IMMP2L: variants seen among roughly 807,000 people sequenced by gnomAD.
IMMP2L encodes mitochondrial inner membrane protease subunit 2.
In IMMP2L, 18 loss-of-function variants were observed where a neutral mutation model predicts 19.3. The observed-to-expected ratio is 0.93, with a 90% CI of 0.64 to 1.38. IMMP2L has a LOEUF of 1.38. Ranked by LOEUF, IMMP2L falls within the 40% of genes most tolerant of loss-of-function variation. The pLI is 0.00. For missense variants in IMMP2L, 233 were observed against 218.2 expected, an observed-to-expected ratio of 1.07 and a Z score of -0.43; for synonymous variants, 76 against 73.0, an observed-to-expected ratio of 1.04 and a Z score of -0.21.
chr7:111,406,858 G>C (rs1251840466), intron 3 of IMMP2L, among the ~76,000 whole-genome samples: 2 of 152,026 alleles, frequency 1.3e-5, no homozygotes, highest in Non-Finnish European at 2.9e-5. Flanking sequence ...GAAAGGGAGT[G>C]AAGGAAGCAG....
At chr7:111,270,256 GCA>G (rs1818313361) in intron 3 of IMMP2L, among the ~76,000 whole-genome samples, 1 of 152,006 alleles carries the variant, frequency 6.6e-6, no homozygotes, top group South Asian at 2.1e-4. Flanking sequence ...ATGTACTGTA[GCA>G]CAGATTCCAT....
rs903710443 is a variant in IMMP2L at position 111,297,704 on chromosome 7, C to T, written c.239+189534G>A. ...ATGGATAAACAAGTTGTGGTATATT[C>T]CCACAAAGAAAAATTGCACAGAAAT... On this transcript the variant is annotated intron_variant, in intron 3 of 5. Transcript: ENST00000405709. Among the ~76,000 whole-genome samples the T allele has an allele frequency of 1.2e-4, 18 of 151,990 alleles. 1 individual carries two copies. The highest frequency in any genetic ancestry group is 1.8e-4 in the Non-Finnish European group (12 of 67,982).
intron 4 of IMMP2L, chr7:110,963,014 C>G: frequency 1.3e-6 from 2 of 1,507,952 alleles, no homozygotes; most frequent in Non-Finnish European, 1.8e-6. Flanking sequence ...TTGTTACAAT[C>G]TTATCATCTA....
chr7:111,278,934 G>T (rs1025963734), intron 3 of IMMP2L, among the ~76,000 whole-genome samples: 1 of 151,822 alleles, frequency 6.6e-6, no homozygotes, highest in East Asian at 1.9e-4. Flanking sequence ...TAAGTCATCA[G>T]TTCTATGAGA....
At chr7:111,192,987 C>A (rs181675274) in intron 3 of IMMP2L, among the ~76,000 whole-genome samples, 1 of 152,056 alleles carries the variant, frequency 6.6e-6, no homozygotes, top group African/African-American at 2.4e-5. Flanking sequence ...CCTTGGCAAC[C>A]TGAGACAGCT....
chr7:111,330,144 AATTG>A (rs2130646150), intron 3 of IMMP2L, among the ~76,000 whole-genome samples: 1 of 151,914 alleles, frequency 6.6e-6, no homozygotes, highest in African/African-American at 2.4e-5. Context: ...ATAAAACACC[AATTG>A]ATTGAACACA....
chr7:110,928,379 A>C (rs1287434846), intron 4 of IMMP2L, among the ~76,000 whole-genome samples: 1 of 149,666 alleles, frequency 6.7e-6, no homozygotes, highest in Admixed American at 6.7e-5. Flanking sequence ...ACACACACAC[A>C]CACACACACA....
chr7:111,123,854 A>G lies in IMMP2L; in HGVS notation c.240-160289T>C. On this transcript the variant is annotated intron_variant, in intron 3 of 5. Coordinates refer to ENST00000405709, the MANE Select transcript of IMMP2L (RefSeq NM_032549.4). This position sits in a 1 kb window ranked among gnomAD's most constrained non-coding sequence, Gnocchi z 6.4. ...ACCATTGAGTCTCTGCCAAACCTCA[A>G]GGAAATCAGCATACACAGTAACCCC... is the stretch of plus-strand genomic sequence containing the variant. 1 of 1,614,000 alleles carries G rather than the reference A, an allele frequency of 6.2e-7. No individual in the cohort carries two copies. The highest frequency in any genetic ancestry group is 8.5e-7 in the Non-Finnish European group (1 of 1,179,994).
chr7:111,414,097 T>C (rs140233294), intron 3 of IMMP2L, among the ~76,000 whole-genome samples: 1,821 of 151,806 alleles, frequency 0.012, 17 homozygotes, highest in South Asian at 0.034. Flanking sequence ...TGCAGTGAAC[T>C]TGACCCCCTC....
In IMMP2L at chr7:110,673,654, C is replaced by A. The variant is rs1464923357; in HGVS notation, c.409-9933G>T. 2.6e-5 allele frequency among the ~76,000 whole-genome samples: 4 copies of A among 152,216 alleles called. No individual in the cohort carries two copies. The East Asian group carries it at 7.7e-4, about 29-fold the overall frequency. Reference sequence around the variant, plus strand: ...CTCACGTTTAAAGTTCCACAGATCTCTAGGGCAGGGGGAAAATGCCACCAG... The same window carrying A: ...CTCACGTTTAAAGTTCCACAGATCTATAGGGCAGGGGGAAAATGCCACCAG... On this transcript the variant is annotated intron_variant, in intron 5 of 5. Transcript: ENST00000405709.
chr7:110,974,359 T>G (rs1223559195), intron 3 of IMMP2L, among the ~76,000 whole-genome samples: 1 of 152,114 alleles, frequency 6.6e-6, no homozygotes, highest in East Asian at 1.9e-4. Flanking sequence ...AGTGGGTTTG[T>G]AGGCAATGGC....
At chr7:110,783,139 T>C (rs1202253777) in intron 5 of IMMP2L, among the ~76,000 whole-genome samples, 1 of 151,836 alleles carries the variant, frequency 6.6e-6, no homozygotes, top group African/African-American at 2.4e-5. Flanking sequence ...TGGGTCTAAT[T>C]AGCTTAAACT....
chr7:111,415,557 A>G (rs1834884195), intron 3 of IMMP2L, among the ~76,000 whole-genome samples: 1 of 151,916 alleles, frequency 6.6e-6, no homozygotes, highest in Non-Finnish European at 1.5e-5. Flanking sequence ...ATAGGCTAAA[A>G]GAAGACATTT....
At chr7:111,257,201 T>C (rs1443205707) in intron 3 of IMMP2L, among the ~76,000 whole-genome samples, 1 of 152,120 alleles carries the variant, frequency 6.6e-6, no homozygotes, top group Non-Finnish European at 1.5e-5. Flanking sequence ...AACTGACAGC[T>C]GTCATACTAA....
chr7:111,439,189 A>G (rs1837479818), intron 3 of IMMP2L, among the ~76,000 whole-genome samples: 1 of 151,804 alleles, frequency 6.6e-6, no homozygotes, highest in Non-Finnish European at 1.5e-5. Flanking sequence ...TATTTCACTC[A>G]TCTACTCCAC....
chr7:111,502,573 A>G (rs1844403566), intron 2 of IMMP2L, among the ~76,000 whole-genome samples: 1 of 152,180 alleles, frequency 6.6e-6, no homozygotes, highest in South Asian at 2.1e-4. Flanking sequence ...AGTTGGAAGT[A>G]AAGCACTCCT....
At chr7:110,775,568 T>C (rs1038648439) in intron 5 of IMMP2L, among the ~76,000 whole-genome samples, 4 of 152,050 alleles carry the variant, frequency 2.6e-5, no homozygotes, top group South Asian at 2.1e-4. Flanking sequence ...TTGAATGTTT[T>C]AAACTTTCAA....
At chr7:111,447,162 A>G (rs1475447065) in intron 3 of IMMP2L, among the ~76,000 whole-genome samples, 4 of 148,130 alleles carry the variant, frequency 2.7e-5, no homozygotes, top group African/African-American at 2.5e-5. Context: ...AACTTCCCCA[A>G]TCTAGCAAGG....
At chr7:110,766,464 C>T (rs959361406) in intron 5 of IMMP2L, among the ~76,000 whole-genome samples, 5 of 150,970 alleles carry the variant, frequency 3.3e-5, no homozygotes, top group South Asian at 2.1e-4. Context: ...TGGTGATGCG[C>T]GCTTGTAATC....
Sources: allele counts gnomAD v4.1 joint callset (sites outside exome capture counted in the v4.1 genomes callset), GRCh38; gene constraint gnomAD v4.1.1; non-coding constraint Gnocchi (gnomAD v3.1); transcripts MANE v1.5; gene names NCBI Gene and HGNC (gene_info 2026-07-23, HGNC 2026-07-21).